Variants in LIPA observed in about 807,000 individuals in gnomAD.
The protein encoded by LIPA is lipase A, lysosomal acid type.
LIPA carries 26 observed loss-of-function variants against 40.6 expected under a neutral mutation model. That is an observed-to-expected ratio of 0.64 (90% CI 0.47 to 0.89). The LOEUF is 0.89. LIPA is among the 40% of genes least tolerant of loss of function. The pLI, the probability that LIPA is intolerant of heterozygous loss-of-function variation, is 0.00. For synonymous variants in LIPA, 188 were observed against 168.4 expected (o/e 1.12, Z -0.90); for missense variants, 455 against 479.6 (o/e 0.95, Z 0.48).
In LIPA at chr10:89,269,791, T is replaced by A. The variant is rs554995714; in HGVS notation, c.-1-22142A>T. Among the ~76,000 whole-genome samples the A allele has an allele frequency of 3.3e-5, 5 of 152,350 alleles. No individual in the cohort carries two copies. In the South Asian group the frequency reaches 1.0e-3, roughly 32 times the overall value. On this transcript the variant is annotated intron_variant, in intron 1 of 5. Transcript: ENST00000282673. ...TAAAAATTTGGGGGAGGATGAGGTT[T>A]TTTTAAACTTTATTCTTTACTAAAA...
At chr10:89,302,217 G>C (rs986618538) in intron 1 of LIPA, 2 of 1,391,890 alleles carry the variant, frequency 1.4e-6, no homozygotes, top group Non-Finnish European at 1.0e-6. Context: ...AAGAGGGCCA[G>C]CTCCATTTTA....
At chr10:89,368,388 A>C (rs1254370644) in intron 2 of LIPA, among the ~76,000 whole-genome samples, 1 of 152,324 alleles carries the variant, frequency 6.6e-6, no homozygotes, top group Non-Finnish European at 1.5e-5. Context: ...GCTTTAGCCC[A>C]AACAGATCAG....
intron 1 of LIPA, among the ~76,000 whole-genome samples, chr10:89,259,881 T>G (rs1027129974): frequency 6.6e-6 from 1 of 152,080 alleles, no homozygotes; most frequent in Non-Finnish European, 1.5e-5. Context: ...GAGGGGACAT[T>G]TTTCTTTGGG....
At position 89,215,150 on chromosome 10, in the gene LIPA, G is replaced by A. The variant is rs999884565; in HGVS notation, c.967-89C>T. The stretch of plus-strand genomic sequence containing the variant: ...ATAAGCGCAATCTCCATTAAACATT[G>A]TCTAGTAAGTTTGACTAACAGACTA... On this transcript the variant is annotated intron_variant, in intron 9 of 9. Transcript: ENST00000336233. 5 of 974,044 alleles carry A rather than the reference G, an allele frequency of 5.1e-6. No homozygotes were observed. In the South Asian group the frequency reaches 5.3e-5, roughly 10 times the overall value. 60.3% of individuals were successfully genotyped at this position (974,044 alleles called of 1,614,324 possible).
intron 1 of LIPA, among the ~76,000 whole-genome samples, chr10:89,291,292 T>C (rs558088902): frequency 6.6e-6 from 1 of 152,278 alleles, no homozygotes; most frequent in African/African-American, 2.4e-5. Flanking sequence ...TAATTAAATG[T>C]ATACATTCAC....
At chr10:89,403,688 G>T (rs1047816719) in intron 2 of LIPA, 1 of 1,596,766 alleles carries the variant, frequency 6.3e-7, no homozygotes, top group African/African-American at 1.4e-5. Flanking sequence ...CTGACTTTGA[G>T]AACTCTGTGA....
At chr10:89,340,331 G>C in intron 1 of LIPA, 1 of 460,768 alleles carries the variant, frequency 2.2e-6, no homozygotes, top group Non-Finnish European at 3.8e-6. Flanking sequence ...GGCCGAGGTG[G>C]GCGGATCACG....
intron 4 of LIPA, among the ~76,000 whole-genome samples, 193 bp from the exon 5 acceptor site, chr10:89,227,197 A>G (rs184538935): frequency 1.2e-4 from 19 of 152,340 alleles, no homozygotes; most frequent in Admixed American, 3.9e-4. Flanking sequence ...CCCAAAAGTA[A>G]CTATTGTCCT....
At chr10:89,248,169 ATT>A (rs771857161) in intron 1 of LIPA, among the ~76,000 whole-genome samples, 2 of 120,630 alleles carry the variant, frequency 1.7e-5, no homozygotes, top group Non-Finnish European at 3.5e-5. Flanking sequence ...CTGCCCAGGA[ATT>A]TTTTTTTTTT....
chr10:89,358,941 T>C (rs1470349253), intron 2 of LIPA, among the ~76,000 whole-genome samples: 1 of 152,076 alleles, frequency 6.6e-6, no homozygotes, highest in Non-Finnish European at 1.5e-5. Flanking sequence ...AAAGAAAAAA[T>C]AAATTATTGA....
intron 1 of LIPA, among the ~76,000 whole-genome samples, chr10:89,325,189 CTAT>C (rs112214522): frequency 1.3e-5 from 2 of 152,218 alleles, no homozygotes; most frequent in African/African-American, 4.8e-5. Flanking sequence ...GTCAGAATGA[CTAT>C]TATTAAAAAG....
chr10:89,379,036 C>A (rs929723085), intron 2 of LIPA, among the ~76,000 whole-genome samples: 2 of 152,088 alleles, frequency 1.3e-5, no homozygotes, highest in Non-Finnish European at 2.9e-5. Flanking sequence ...TTTTAGGCAT[C>A]CAGGTGAGAA....
At chr10:89,391,807 C>T (rs1422380694) in intron 2 of LIPA, among the ~76,000 whole-genome samples, 1 of 152,188 alleles carries the variant, frequency 6.6e-6, no homozygotes, top group Non-Finnish European at 1.5e-5. Context: ...GGACTACAGG[C>T]ATGAGCCACC....
chr10:89,358,376 C>T (rs891042207), intron 2 of LIPA, among the ~76,000 whole-genome samples: 3 of 152,148 alleles, frequency 2.0e-5, no homozygotes, highest in African/African-American at 4.8e-5. Context: ...AACAGTATGA[C>T]GTTTCCCCCC....
intron 1 of LIPA, among the ~76,000 whole-genome samples, chr10:89,321,842 G>A (rs542006282): frequency 6.6e-6 from 1 of 152,262 alleles, no homozygotes; most frequent in African/African-American, 2.4e-5. Flanking sequence ...ATGATAGACT[G>A]GATTAAGAAA....
intron 2 of LIPA, among the ~76,000 whole-genome samples, chr10:89,386,304 A>G (rs1030097611): frequency 6.6e-6 from 1 of 152,192 alleles, no homozygotes; most frequent in Non-Finnish European, 1.5e-5. Context: ...GAAAGCGGGG[A>G]GTGACCAATG....
chr10:89,344,193 T>C (rs1436287259), upstream of LIPA, among the ~76,000 whole-genome samples: 1 of 152,238 alleles, frequency 6.6e-6, no homozygotes, highest in African/African-American at 2.4e-5. Context: ...AAAAATGCTA[T>C]ATAATCTGCA....
rs1843055962 is a variant in LIPA at position 89,248,091 on chromosome 10, T to C, written c.-1-442A>G. On this transcript the variant is annotated intron_variant, in intron 1 of 9. Transcript: ENST00000336233. The stretch of plus-strand genomic sequence containing the variant: ...CATATTGGCTAGGCTGGTCTCGAAC[T>C]CCTGGCTTCGTGATTCGCCCACCTC... 1.3e-5 allele frequency among the ~76,000 whole-genome samples: 2 copies of C among 151,858 alleles called. 1 individual carries two copies. Among genetic ancestry groups the C allele is most frequent in the Non-Finnish European group, 2.9e-5 (2 of 67,968 alleles).
chr10:89,282,588 C>T (rs1564775301), intron 1 of LIPA, among the ~76,000 whole-genome samples: 1 of 151,878 alleles, frequency 6.6e-6, no homozygotes, highest in African/African-American at 2.4e-5. Context: ...TGCGGTGAGC[C>T]GAGATCGTGC....
Sources: allele counts gnomAD v4.1 joint callset (sites outside exome capture counted in the v4.1 genomes callset), GRCh38; gene constraint gnomAD v4.1.1; transcripts MANE v1.5; gene names NCBI Gene and HGNC (gene_info 2026-07-23, HGNC 2026-07-21).